Variants in PPIP5K2 observed in about 807,000 individuals in gnomAD.
PPIP5K2 encodes diphosphoinositol pentakisphosphate kinase 2, also known as inositol hexakisphosphate and diphosphoinositol-pentakisphosphate kinase 2.
Under a neutral mutation model 154.6 loss-of-function variants are expected in PPIP5K2, and 105 were observed. That is an observed-to-expected ratio of 0.68 (90% CI 0.58 to 0.80). The LOEUF is 0.80. PPIP5K2 is among the 30% of genes least tolerant of loss of function. The pLI is 0.00. For missense variants in PPIP5K2, 992 were observed against 1,504.6 expected, an observed-to-expected ratio of 0.66 and a Z score of 5.64; for synonymous variants, 480 against 490.3, an observed-to-expected ratio of 0.98 and a Z score of 0.28.
chr5:103,166,715 G>A (rs981855420), intron 17 of PPIP5K2, among the ~76,000 whole-genome samples: 33 of 151,952 alleles, frequency 2.2e-4, no homozygotes, highest in African/African-American at 7.5e-4. Flanking sequence ...TCTTACAACA[G>A]AGGGAACTAG....
chr5:103,173,750 G>T, intron 20 of PPIP5K2, 108 bp from the exon 21 acceptor site: 1 of 750,266 alleles, frequency 1.3e-6, no homozygotes, highest in Admixed American at 2.8e-5. Flanking sequence ...GATTTTTGTG[G>T]TCTTTTACTT....
chr5:103,178,768 A>G (rs1181508273), intron 23 of PPIP5K2, among the ~76,000 whole-genome samples: 1 of 151,720 alleles, frequency 6.6e-6, no homozygotes. Context: ...TGATAAAATC[A>G]TTATTTTTTC....
chr5:103,159,371 C>T (rs1554214915), intron 17 of PPIP5K2, 43 bp downstream of exon 17: 1 of 1,464,482 alleles, frequency 6.8e-7, no homozygotes, highest in Non-Finnish European at 9.2e-7. Context: ...ATTACACACA[C>T]ACAGAAAAGT....
chr5:103,136,692 T>C lies in PPIP5K2; in HGVS notation c.311-40T>C, dbSNP rs1408394538. 5 of 1,501,202 alleles carry C rather than the reference T, an allele frequency of 3.3e-6. No individual in the cohort carries two copies. In the African/African-American group the frequency reaches 6.9e-5, roughly 21 times the overall value. The allele number at this position is 1,501,202 out of a possible 1,614,324, so 93.0% of individuals were successfully genotyped here. A position where few individuals can be genotyped will look rare whatever the true frequency, so the allele number is the denominator to read the frequency against. On this transcript the variant is annotated intron_variant, in intron 3 of 30. Transcript: ENST00000358359. ...AGTTAATAAAGTATAGATGCTTATC[T>C]TGAGATAATACAGAATATGTTAATA...
At chr5:103,187,246 C>T in intron 27 of PPIP5K2, 68 bp from the exon 28 acceptor site, 1 of 1,218,966 alleles carries the variant, frequency 8.2e-7, no homozygotes, top group South Asian at 1.3e-5. Flanking sequence ...TTGTTTTTCC[C>T]CTCTTTCTTT....
Position 103,201,692 on chromosome 5 carries a change from C to T in PPIP5K2, c.*58C>T. 8.3e-7 allele frequency: 1 copy of T among 1,201,740 alleles called. No individual in the cohort carries two copies. Among genetic ancestry groups the T allele is most frequent in the Non-Finnish European group, 1.2e-6 (1 of 851,756 alleles). The allele number at this position is 1,201,740 out of a possible 1,614,324, so 74.4% of individuals were successfully genotyped here. A position where few individuals can be genotyped will look rare whatever the true frequency, so the allele number is the denominator to read the frequency against. Reference sequence around the variant, plus strand: ...ATAAAAATAGTATGTTCTTATGTTTCTCCTTATGCATTTATGTGTTCACTT... The same window carrying T: ...ATAAAAATAGTATGTTCTTATGTTTTTCCTTATGCATTTATGTGTTCACTT... On this transcript the variant is annotated 3_prime_UTR_variant, in exon 31 of 31. Transcript: ENST00000358359.
In PPIP5K2 at chr5:103,207,994, C is replaced by G. The variant is rs1454929224; in HGVS notation, c.*6360C>G. 3 of 150,916 alleles carry G rather than the reference C, an allele frequency of 2.0e-5. No homozygotes were observed. The highest frequency in any genetic ancestry group is 1.3e-4 in the Admixed American group (2 of 15,060). The allele number at this position is 150,916 out of a possible 1,614,324, so 9.3% of individuals were successfully genotyped here. The stretch of plus-strand genomic sequence containing the variant: ...TGAGATAAATTTCTTTCTGGCTCAT[C>G]TATTTGATACAATTTCTTTTTTGTT... On this transcript the variant is annotated 3_prime_UTR_variant, in exon 31 of 31. Coordinates refer to ENST00000358359, the MANE Select transcript of PPIP5K2 (RefSeq NM_001276277.3).
At chr5:103,130,373 G>A (rs1364988292) in intron 2 of PPIP5K2, among the ~76,000 whole-genome samples, 5 of 152,056 alleles carry the variant, frequency 3.3e-5, no homozygotes, top group African/African-American at 1.2e-4. Context: ...TTGCTTTACT[G>A]TGAATACTGA....
chr5:103,156,124 T>A, intron 14 of PPIP5K2, 130 bp downstream of exon 14: 4 of 603,248 alleles, frequency 6.6e-6, no homozygotes, highest in Non-Finnish European at 1.2e-5. Flanking sequence ...AAAGTGGAAT[T>A]ATCTTAGCTG....
intron 21 of PPIP5K2, among the ~76,000 whole-genome samples, chr5:103,177,096 T>C (rs1268436939): frequency 1.3e-5 from 2 of 151,972 alleles, no homozygotes; most frequent in Non-Finnish European, 2.9e-5. Flanking sequence ...CTAGGTACTT[T>C]GGAACCTGAC....
chr5:103,196,911 G>A (rs761617040), intron 30 of PPIP5K2, among the ~76,000 whole-genome samples: 4 of 152,032 alleles, frequency 2.6e-5, no homozygotes, highest in African/African-American at 9.7e-5. Flanking sequence ...GAAAAAGAAG[G>A]ATCATCAACC....
Position 103,208,118 on chromosome 5 carries a change from T to G in PPIP5K2, c.*6484T>G, listed in dbSNP as rs1207700087. On this transcript the variant is annotated 3_prime_UTR_variant, in exon 31 of 31. Coordinates refer to ENST00000358359, the MANE Select transcript of PPIP5K2 (RefSeq NM_001276277.3). ...TTTCTTTTTTTTTTTGAGATGGAGTTTTACTCTTGTTGCCTAGGCTGGAGT... is the reference window on the plus strand; with the variant it reads ...TTTCTTTTTTTTTTTGAGATGGAGTGTTACTCTTGTTGCCTAGGCTGGAGT... 1.3e-5 allele frequency: 2 copies of G among 151,598 alleles called. No homozygotes were observed. The highest frequency in any genetic ancestry group is 2.9e-5 in the Non-Finnish European group (2 of 67,890). 9.4% of individuals were successfully genotyped at this position (151,598 alleles called of 1,614,324 possible). A position where few individuals can be genotyped will look rare whatever the true frequency, so the allele number is the denominator to read the frequency against.
At chr5:103,169,675 T>C (rs1797666056) in intron 19 of PPIP5K2, among the ~76,000 whole-genome samples, 2 of 151,768 alleles carry the variant, frequency 1.3e-5, no homozygotes, top group Non-Finnish European at 3.0e-5. Context: ...TATGAAAATA[T>C]CTCAGACTTT....
intron 14 of PPIP5K2, among the ~76,000 whole-genome samples, chr5:103,156,198 G>T (rs1294606475): frequency 1.3e-4 from 20 of 152,146 alleles, no homozygotes; most frequent in Non-Finnish European, 4.4e-5. Context: ...ACAAAGGATA[G>T]ATTTTATTGT....
At chr5:103,176,283 A>C (rs1554220923) in intron 21 of PPIP5K2, among the ~76,000 whole-genome samples, 1 of 152,050 alleles carries the variant, frequency 6.6e-6, no homozygotes, top group East Asian at 1.9e-4. Flanking sequence ...GGTGTTCTTA[A>C]TACTGGAGTA....
At chr5:103,169,256 C>G (rs552902197) in intron 19 of PPIP5K2, among the ~76,000 whole-genome samples, 1 of 151,674 alleles carries the variant, frequency 6.6e-6, no homozygotes, top group South Asian at 2.1e-4. Context: ...CTTTTTTCAA[C>G]TCAGTACAAG....
intron 6 of PPIP5K2, 79 bp from the exon 7 acceptor site, chr5:103,147,852 A>G (rs1009057521): frequency 1.2e-6 from 1 of 845,464 alleles, no homozygotes. Flanking sequence ...TAGATGGTAA[A>G]TAAACTATTT....
chr5:103,167,909 C>G (rs1193614679), intron 18 of PPIP5K2, among the ~76,000 whole-genome samples, 163 bp from the exon 19 acceptor site: 2 of 151,788 alleles, frequency 1.3e-5, no homozygotes, highest in Non-Finnish European at 2.9e-5. Flanking sequence ...CCCTTTAAGT[C>G]TAAAAGATAT....
rs1803237929 is a variant in PPIP5K2, at chr5:103,203,009, A to G, written c.*1375A>G. ...TGTTTTAAAAGGTACCAGATGTAAG[A>G]GTCATAAATATATGCAATTAAAGAA... On this transcript the variant is annotated 3_prime_UTR_variant, in exon 31 of 31. Coordinates refer to ENST00000358359, the MANE Select transcript of PPIP5K2 (RefSeq NM_001276277.3). 1 of 152,586 alleles carries G rather than the reference A, an allele frequency of 6.6e-6. No individual in the cohort carries two copies. Among genetic ancestry groups the G allele is most frequent in the African/African-American group, 2.4e-5 (1 of 41,448 alleles). 9.5% of individuals were successfully genotyped at this position (152,586 alleles called of 1,614,324 possible).
Sources: gnomAD v4.1 joint callset for allele counts (sites outside exome capture counted in the v4.1 genomes callset) on GRCh38, gnomAD v4.1.1 for gene constraint, MANE v1.5 for transcripts, NCBI Gene and HGNC (gene_info 2026-07-23, HGNC 2026-07-21) for gene names.